LRRC47: variants seen among roughly 807,000 people sequenced by gnomAD.
LRRC47 encodes leucine rich repeat containing 47.
LRRC47 carries 31 observed loss-of-function variants against 40.9 expected under a neutral mutation model. The ratio of observed to expected loss-of-function variants is 0.76; its 90% CI spans 0.57 to 1.02. The LOEUF is 1.02. Among genes scored for constraint, LRRC47 ranks in the 50% least tolerant of loss-of-function variants. The probability of loss-of-function intolerance (pLI) is 0.00; values close to 1 mark genes in which losing one functional copy is unlikely to be tolerated. For missense variants in LRRC47, 726 were observed against 796.1 expected (o/e 0.91, Z 1.06); for synonymous variants, 427 against 371.9 (o/e 1.15, Z -1.70).
Position 3,787,236 on chromosome 1 carries a change from G to C in LRRC47, c.690C>G (p.Ile230Met), listed in dbSNP as rs760774252. 1 of 1,613,688 alleles carries C rather than the reference G, an allele frequency of 6.2e-7. No individual in the cohort carries two copies. The highest frequency in any genetic ancestry group is 8.5e-7 in the Non-Finnish European group (1 of 1,180,042). The change falls in exon 2 of 7, where the codon ATC becomes ATG. Residue 230 changes from isoleucine to methionine, a missense_variant. Physicochemically the swap from Ile to Met is conservative, Grantham distance 10. Coordinates refer to ENST00000378251, the MANE Select transcript of LRRC47 (RefSeq NM_020710.3). ...CCCTCAGCTTGTTCCCACGGAAATT[G>C]ATCTCCTTGAGCTTGGGGCAGTCCG... The part of the protein sequence containing the change: ...ELADCPKLKE[I>M]NFRGNKLRDK...
chr1:3,790,243 G>A (rs1472376173), intron 1 of LRRC47, among the ~76,000 whole-genome samples: 1 of 146,056 alleles, frequency 6.8e-6, no homozygotes, highest in Non-Finnish European at 1.6e-5. Flanking sequence ...CCAATAAGGA[G>A]CGCCAGCCCC....
chr1:3,791,994 T>C (rs760229521), intron 1 of LRRC47, among the ~76,000 whole-genome samples: 231 of 152,290 alleles, frequency 1.5e-3, no homozygotes, highest in African/African-American at 5.2e-3. Flanking sequence ...GCTCAAGTGA[T>C]CCGCCCGCCT....
chr1:3,786,635 A>C (rs1396570171), intron 2 of LRRC47, among the ~76,000 whole-genome samples: 4 of 152,164 alleles, frequency 2.6e-5, no homozygotes, highest in Non-Finnish European at 5.9e-5. Flanking sequence ...TGCCTCCCGG[A>C]GGGGACTGAG....
Position 3,785,163 on chromosome 1 carries a change from G to A in LRRC47, c.1118C>T (p.Ala373Val). The A allele has an allele frequency of 1.3e-6, 2 of 1,594,226 alleles. No homozygotes were observed. Among genetic ancestry groups the A allele is most frequent in the Admixed American group, 1.8e-5 (1 of 56,206 alleles). ...ACGGAGCTCGTGGGTGGCAAGGGTG[G>A]CAGCCGTCCTCTTCTCACAGAGATC... Reference protein sequence around the residue: ...HEDLCEKRTAATLATHELRAV... With the variant: ...HEDLCEKRTAVTLATHELRAV... The change falls in exon 3 of 7, where the codon GCC becomes GTC. Residue 373 changes from alanine (A) to valine (V), a missense_variant. Ala to Val is a moderately conservative substitution (Grantham distance 64). Coordinates refer to ENST00000378251, the MANE Select transcript of LRRC47 (RefSeq NM_020710.3).
intron 5 of LRRC47, among the ~76,000 whole-genome samples, chr1:3,782,160 A>G (rs906087293): frequency 6.6e-6 from 1 of 152,054 alleles, no homozygotes; most frequent in African/African-American, 2.4e-5. Context: ...ATTGCACACA[A>G]TGAAACCTCA....
rs1443079670 is a variant in LRRC47, at chr1:3,787,056, C to A, written c.870G>T (p.Arg290Ser). 2 of 1,613,752 alleles carry A rather than the reference C, an allele frequency of 1.2e-6. No homozygotes were observed. The highest frequency in any genetic ancestry group is 3.3e-5 in the Admixed American group (2 of 59,978). The stretch of plus-strand genomic sequence containing the variant: ...GCTCCTCCCCATCACCACCTTCCCG[C>A]CTCTGCTTCCTCTCCCTCCTCTTCC... The part of the protein sequence containing the change: ...SRRKRRERKQ[R>S]REGGDGEEQD... Residue 290 changes from arginine to serine, a missense_variant, in exon 2 of 7, where the codon AGG becomes AGT. Coordinates refer to ENST00000378251, the MANE Select transcript of LRRC47 (RefSeq NM_020710.3).
In LRRC47 at chr1:3,796,390, G is replaced by A. The variant is rs1238394570; in HGVS notation, c.87C>T (p.Pro29=). ...ERRRELLLTG[P]GLEERVRAAG... is the part of the protein sequence containing the mutation. ...CCGCCCGCACTCGCTCCTCCAGCCC[G>A]GGCCCCGTCAGCAGCAGCTCCCGCC... Residue 29 remains proline, a synonymous_variant, in exon 1 of 7, where the codon CCC becomes CCT. Transcript: ENST00000378251. The A allele has an allele frequency of 2.0e-6, 3 of 1,515,252 alleles. No individual in the cohort carries two copies. Among genetic ancestry groups the A allele is most frequent in the African/African-American group, 1.4e-5 (1 of 69,628 alleles). The allele number at this position is 1,515,252 out of a possible 1,614,324, so 93.9% of individuals were successfully genotyped here.
At chr1:3,786,801 G>T in intron 2 of LRRC47, 48 bp downstream of exon 2, 1 of 1,495,960 alleles carries the variant, frequency 6.7e-7, no homozygotes, top group Non-Finnish European at 9.0e-7. Flanking sequence ...AGCTTGCGGC[G>T]TCTCACACCT....
rs149985684 is a variant in LRRC47 at position 3,785,965 on chromosome 1, G to A, written c.1078-762C>T. On this transcript the variant is annotated intron_variant, in intron 2 of 6. Transcript: ENST00000378251. ...GCTCACTGCAACCTCCACCTCCCAG[G>A]TTCAAGTGATTCTCCTGCCTCGGCC... 8.7e-3 allele frequency among the ~76,000 whole-genome samples: 1,319 copies of A among 151,818 alleles called. 45 individuals carry two copies. The East Asian group carries it at 0.1, about 12-fold the overall frequency.
rs11581487 is a variant in LRRC47 at position 3,791,745 on chromosome 1, C to T, written c.615+4117G>A. Among the ~76,000 whole-genome samples, 473 of 145,672 alleles carry T rather than the reference C, an allele frequency of 3.2e-3. 3 individuals carry two copies. Among genetic ancestry groups the T allele is most frequent in the Non-Finnish European group, 4.2e-3 (277 of 66,278 alleles). On this transcript the variant is annotated intron_variant, in intron 1 of 6. Transcript: ENST00000378251. ...TGCTGGGATAATAGGCATGAGCCAC[C>T]GCACCCGGCCTCTCTCTCCTTTCTT...
intron 6 of LRRC47, 77 bp from the exon 7 acceptor site, chr1:3,781,413 G>T: frequency 6.3e-7 from 1 of 1,575,888 alleles, no homozygotes; most frequent in Non-Finnish European, 8.7e-7. Context: ...TGCCAACACA[G>T]TAAGCAAAAA....
chr1:3,794,812 T>C lies in LRRC47; in HGVS notation c.615+1050A>G, dbSNP rs548425892. Among the ~76,000 whole-genome samples, 240 of 151,770 alleles carry C rather than the reference T, an allele frequency of 1.6e-3. 3 individuals carry two copies. In the Middle Eastern group the frequency reaches 0.017, roughly 11 times the overall value. The stretch of plus-strand genomic sequence containing the variant: ...GCTCACACCTGTAATCCTAGCACTT[T>C]GGAAGGCCGAGACAGGCGGATCACA... On this transcript the variant is annotated intron_variant, in intron 1 of 6. Transcript: ENST00000378251.
At chr1:3,794,304 G>A (rs998303149) in intron 1 of LRRC47, among the ~76,000 whole-genome samples, 5 of 152,106 alleles carry the variant, frequency 3.3e-5, no homozygotes, top group South Asian at 2.1e-4. Context: ...AGCTCTATCC[G>A]GGTAGTGGAT....
intron 1 of LRRC47, among the ~76,000 whole-genome samples, chr1:3,790,224 T>TA (rs1196868349): frequency 6.6e-6 from 1 of 151,870 alleles, no homozygotes; most frequent in Non-Finnish European, 1.5e-5. Context: ...CAGGCTGACA[T>TA]AAACCAACCC....
At position 3,780,476 on chromosome 1, in the gene LRRC47, G is replaced by A. The variant is rs1643507828; in HGVS notation, c.*612C>T. On this transcript the variant is annotated 3_prime_UTR_variant, in exon 7 of 7. Transcript: ENST00000378251. Reference sequence around the variant, plus strand: ...GCACTGTACTTTTCTCCCATAAACAGTTACCTGCCATGTATCTACATGATT... The same window carrying A: ...GCACTGTACTTTTCTCCCATAAACAATTACCTGCCATGTATCTACATGATT... The A allele has an allele frequency of 6.6e-6, 1 of 152,620 alleles. No homozygotes were observed. Among genetic ancestry groups the A allele is most frequent in the Non-Finnish European group, 1.5e-5 (1 of 68,422 alleles). 9.5% of individuals were successfully genotyped at this position (152,620 alleles called of 1,614,324 possible).
At chr1:3,781,987 C>T (rs1214850306) in intron 5 of LRRC47, among the ~76,000 whole-genome samples, 1 of 152,128 alleles carries the variant, frequency 6.6e-6, no homozygotes, top group African/African-American at 2.4e-5. Flanking sequence ...CTCAATCAAT[C>T]AATTAAGCAG....
intron 1 of LRRC47, among the ~76,000 whole-genome samples, chr1:3,788,198 G>A (rs905594779): frequency 2.6e-5 from 4 of 152,244 alleles, no homozygotes; most frequent in African/African-American, 4.8e-5. Flanking sequence ...GGGCCCATCC[G>A]CCTCCACTCT....
intron 1 of LRRC47, 81 bp downstream of exon 1, chr1:3,795,781 A>G: frequency 2.1e-6 from 3 of 1,412,332 alleles, no homozygotes; most frequent in Non-Finnish European, 2.8e-6. Context: ...GTCACTAGGA[A>G]CTGCTCGGCC....
chr1:3,795,245 T>C (rs1463303337), intron 1 of LRRC47, among the ~76,000 whole-genome samples: 3 of 152,172 alleles, frequency 2.0e-5, no homozygotes, highest in African/African-American at 7.2e-5. Context: ...GCACCTGTTA[T>C]AGGCCAAGCA....
Sources: gnomAD v4.1 joint callset for allele counts (sites outside exome capture counted in the v4.1 genomes callset) on GRCh38, gnomAD v4.1.1 for gene constraint, MANE v1.5 for transcripts, NCBI Gene and HGNC (gene_info 2026-07-23, HGNC 2026-07-21) for gene names.